Variants in SYNDIG1 observed in about 807,000 individuals in gnomAD.
SYNDIG1 encodes the protein synapse differentiation-inducing gene protein 1.
Under a neutral mutation model 19.4 loss-of-function variants are expected in SYNDIG1, and 9 were observed. The ratio of observed to expected loss-of-function variants is 0.46; its 90% CI spans 0.28 to 0.81. SYNDIG1 has a LOEUF of 0.81. Ranked by LOEUF, SYNDIG1 falls within the 30% of genes least tolerant of loss-of-function variation. SYNDIG1 has a pLI of 0.12. For synonymous variants in SYNDIG1, 141 were observed against 145.9 expected (o/e 0.97, Z 0.24); for missense variants, 311 against 343.3 (o/e 0.91, Z 0.74).
intron 3 of SYNDIG1, among the ~76,000 whole-genome samples, chr20:24,587,063 A>T (rs1378483973): frequency 1.3e-5 from 2 of 152,220 alleles, no homozygotes; most frequent in Non-Finnish European, 2.9e-5. Context: ...TGTTTGATAC[A>T]TTAGATAGTG....
chr20:24,533,031 A>G (rs1351488790), intron 1 of SYNDIG1, among the ~76,000 whole-genome samples: 1 of 151,994 alleles, frequency 6.6e-6, no homozygotes, highest in African/African-American at 2.4e-5. Flanking sequence ...GTTCCCCAGC[A>G]CGTGGGAGAG....
At chr20:24,647,530 G>A (rs1220195540) in intron 3 of SYNDIG1, among the ~76,000 whole-genome samples, 1 of 151,938 alleles carries the variant, frequency 6.6e-6, no homozygotes, top group Non-Finnish European at 1.5e-5. Flanking sequence ...GGGGATGGGG[G>A]CTCACAGGCA....
intron 2 of SYNDIG1, among the ~76,000 whole-genome samples, chr20:24,554,089 C>T (rs2057763216): frequency 6.6e-6 from 1 of 152,270 alleles, no homozygotes; most frequent in African/African-American, 2.4e-5. Flanking sequence ...TGGGAGTTCA[C>T]TCATGATTTT....
At chr20:24,547,339 C>A (rs187020103) in intron 2 of SYNDIG1, among the ~76,000 whole-genome samples, 56 of 152,334 alleles carry the variant, frequency 3.7e-4, no homozygotes, top group African/African-American at 1.3e-3. Flanking sequence ...GCATGTGGAG[C>A]GTTCAGTTTG....
At chr20:24,580,942 G>T (rs6036841) in intron 2 of SYNDIG1, among the ~76,000 whole-genome samples, 8 of 152,320 alleles carry the variant, frequency 5.3e-5, no homozygotes, top group African/African-American at 1.9e-4. Context: ...CGGGTCAACG[G>T]TTCCCCAAGC....
chr20:24,603,589 G>T (rs1002220635), intron 3 of SYNDIG1, among the ~76,000 whole-genome samples: 11 of 152,168 alleles, frequency 7.2e-5, no homozygotes, highest in African/African-American at 2.7e-4. Flanking sequence ...ATGGACACAC[G>T]CCTGGGATGG....
At chr20:24,608,491 A>T (rs961796023) in intron 3 of SYNDIG1, among the ~76,000 whole-genome samples, 20 of 152,184 alleles carry the variant, frequency 1.3e-4, no homozygotes, top group African/African-American at 4.8e-4. Flanking sequence ...TAAAATCTTA[A>T]CAGTGACAAT....
At position 24,502,735 on chromosome 20, in the gene SYNDIG1, A is replaced by T. The variant is rs559621851; in HGVS notation, c.-79+32982A>T. Among the ~76,000 whole-genome samples, 4 of 152,310 alleles carry T rather than the reference A, an allele frequency of 2.6e-5. No homozygotes were observed. In the South Asian group the frequency reaches 8.3e-4, roughly 32 times the overall value. ...TTCTGGATCAAATGCACATCCTCCA[A>T]GTGCATTGCCATTTGGCTTCTGGTT... On this transcript the variant is annotated intron_variant, in intron 1 of 3. Transcript: ENST00000376862.
At chr20:24,572,857 T>C (rs1231776998) in intron 2 of SYNDIG1, among the ~76,000 whole-genome samples, 1 of 152,054 alleles carries the variant, frequency 6.6e-6, no homozygotes, top group African/African-American at 2.4e-5. Context: ...AAGGGTGAGA[T>C]ATACAGAGGA....
intron 3 of SYNDIG1, among the ~76,000 whole-genome samples, chr20:24,600,838 C>T (rs1302519189): frequency 6.6e-6 from 1 of 152,132 alleles, no homozygotes; most frequent in East Asian, 1.9e-4. Context: ...TGGTCTTGAA[C>T]TCCTGACCTC....
chr20:24,498,292 T>A (rs189075241), intron 1 of SYNDIG1, among the ~76,000 whole-genome samples: 1 of 152,202 alleles, frequency 6.6e-6, no homozygotes, highest in Non-Finnish European at 1.5e-5. Flanking sequence ...TTATTATTAT[T>A]AGTAGTAGTA....
chr20:24,574,234 T>C (rs561495554), intron 2 of SYNDIG1, among the ~76,000 whole-genome samples: 140 of 151,962 alleles, frequency 9.2e-4, no homozygotes, highest in Non-Finnish European at 1.4e-3. Context: ...TCCTAGCACC[T>C]TGGGAGGCCA....
chr20:24,527,702 C>G (rs528409814), intron 1 of SYNDIG1, among the ~76,000 whole-genome samples: 1 of 152,060 alleles, frequency 6.6e-6, no homozygotes, highest in African/African-American at 2.4e-5. Context: ...AATGAGGAGT[C>G]GTCACTGAAT....
chr20:24,630,957 T>A (rs545145405), intron 3 of SYNDIG1, among the ~76,000 whole-genome samples: 38 of 152,294 alleles, frequency 2.5e-4, no homozygotes, highest in East Asian at 7.7e-4. Flanking sequence ...ACATGATGAT[T>A]TGGGTCTGAA....
intron 3 of SYNDIG1, among the ~76,000 whole-genome samples, chr20:24,617,850 G>T (rs1421478666): frequency 6.7e-6 from 1 of 148,256 alleles, no homozygotes; most frequent in Admixed American, 6.7e-5. Flanking sequence ...GGGTCCTGGG[G>T]GAGGGTATGG....
intron 3 of SYNDIG1, among the ~76,000 whole-genome samples, chr20:24,631,432 A>G (rs1048508824): frequency 1.4e-4 from 21 of 152,246 alleles, no homozygotes; most frequent in African/African-American, 5.1e-4. Flanking sequence ...CGACGGCCTC[A>G]TCATCTCCTC....
At chr20:24,587,820 T>A (rs934232163) in intron 3 of SYNDIG1, among the ~76,000 whole-genome samples, 1 of 152,182 alleles carries the variant, frequency 6.6e-6, no homozygotes, top group Non-Finnish European at 1.5e-5. Flanking sequence ...CACAAGGAAA[T>A]CTTTGACATC....
chr20:24,492,174 C>T (rs1480817514), intron 1 of SYNDIG1, among the ~76,000 whole-genome samples: 3 of 117,854 alleles, frequency 2.5e-5, no homozygotes, highest in African/African-American at 1.2e-4. Flanking sequence ...GGAGAGCCTT[C>T]TCTCCACACC....
At chr20:24,584,728 C>A in intron 2 of SYNDIG1, 128 bp from the exon 3 acceptor site, 1 of 1,285,204 alleles carries the variant, frequency 7.8e-7, no homozygotes, top group Non-Finnish European at 1.1e-6. Context: ...CGAACAACGT[C>A]AGCAACTGCA....
Sources: gnomAD v4.1 joint callset for allele counts (sites outside exome capture counted in the v4.1 genomes callset) on GRCh38, gnomAD v4.1.1 for gene constraint, MANE v1.5 for transcripts, NCBI Gene and HGNC (gene_info 2026-07-23, HGNC 2026-07-21) for gene names.